Variants in CFAP77 observed in about 807,000 individuals in gnomAD.
CFAP77 encodes cilia- and flagella-associated protein 77.
A neutral mutation model predicts 31.1 loss-of-function variants in CFAP77; 25 were observed. That is an observed-to-expected ratio of 0.80 (90% CI 0.59 to 1.12). The LOEUF is 1.12. Ranked by LOEUF, CFAP77 falls within the 50% of genes most tolerant of loss-of-function variation. The probability of loss-of-function intolerance (pLI) is 0.00; values close to 1 mark genes in which losing one functional copy is unlikely to be tolerated. For missense variants in CFAP77, 377 were observed against 397.3 expected (o/e 0.95, Z 0.44); for synonymous variants, 151 against 159.9 (o/e 0.94, Z 0.42).
At chr9:132,507,582 T>C (rs1191933760) in intron 3 of CFAP77, among the ~76,000 whole-genome samples, 1 of 152,080 alleles carries the variant, frequency 6.6e-6, no homozygotes, top group Non-Finnish European at 1.5e-5. Flanking sequence ...GCCTGACAGG[T>C]TTTTTTGAAT....
At chr9:132,416,054 C>G (rs1349627327) in intron 1 of CFAP77, among the ~76,000 whole-genome samples, 2 of 152,078 alleles carry the variant, frequency 1.3e-5, no homozygotes, top group East Asian at 3.8e-4. Context: ...TAAAATGTGT[C>G]ACAGACAATG....
chr9:132,534,610 C>CAAAAAAAA (rs201151199), intron 3 of CFAP77, among the ~76,000 whole-genome samples: 1 of 64,116 alleles, frequency 1.6e-5, no homozygotes, highest in Non-Finnish European at 3.4e-5. Flanking sequence ...GACTCTGTCT[C>CAAAAAAAA]AAAAAAAAAA....
chr9:132,566,274 C>T (rs17149298), intron 5 of CFAP77, among the ~76,000 whole-genome samples: 17,180 of 152,194 alleles, frequency 0.11, 1,176 homozygotes, highest in African/African-American at 0.19. Context: ...GAGCTCGTGA[C>T]GAAGGGCTTG....
At chr9:132,416,329 ATTTTT>A (rs71503303) in intron 1 of CFAP77, among the ~76,000 whole-genome samples, 1,908 of 60,350 alleles carry the variant, frequency 0.032, 55 homozygotes, top group African/African-American at 0.1. Context: ...TTCTTATCTG[ATTTTT>A]TTTTTTTTTT....
At chr9:132,457,630 G>A (rs1850944026) in intron 1 of CFAP77, among the ~76,000 whole-genome samples, 2 of 152,218 alleles carry the variant, frequency 1.3e-5, no homozygotes, top group Admixed American at 1.3e-4. Context: ...GCTGGAATCT[G>A]GCGACAGGTT....
chr9:132,467,901 C>T lies in CFAP77; in HGVS notation c.196-30794C>T, dbSNP rs761977438. On this transcript the variant is annotated intron_variant, in intron 1 of 5. Transcript: ENST00000393216. ...TTTTTTTCTTTTTTTTAGTAGTCAC[C>T]ATCTTAACAGGTGTGAGATGGGGGG... is the stretch of plus-strand genomic sequence containing the variant. 7.3e-4 allele frequency among the ~76,000 whole-genome samples: 111 copies of T among 151,836 alleles called. 3 individuals carry two copies. Among genetic ancestry groups the T allele is most frequent in the Non-Finnish European group, 2.2e-4 (15 of 68,018 alleles).
chr9:132,546,246 C>T (rs1852726082), intron 5 of CFAP77, among the ~76,000 whole-genome samples: 1 of 152,226 alleles, frequency 6.6e-6, no homozygotes, highest in Non-Finnish European at 1.5e-5. Context: ...ACCAACTGGG[C>T]CTGGACTCAG....
At chr9:132,429,759 G>A (rs1850380214) in intron 1 of CFAP77, among the ~76,000 whole-genome samples, 1 of 152,038 alleles carries the variant, frequency 6.6e-6, no homozygotes, top group Non-Finnish European at 1.5e-5. Context: ...AGGAGGCTGA[G>A]GCAGGAGAAT....
rs1158796525 is a variant in CFAP77 at position 132,459,072 on chromosome 9, AT to A, written c.196-39606del. Among the ~76,000 whole-genome samples, 874 of 104,332 alleles carry A rather than the reference AT, an allele frequency of 8.4e-3. 3 individuals carry two copies. Among genetic ancestry groups the A allele is most frequent in the South Asian group, 0.011 (34 of 3,056 alleles). 68.4% of individuals were successfully genotyped at this position (104,332 alleles called of 152,430 possible). The stretch of plus-strand genomic sequence containing the variant: ...CAGCCCAGTCTACAGCCCTGAAACT[AT>A]TTTTTTTTTTTTTTTTGAGACAGAG... On this transcript the variant is annotated intron_variant, in intron 1 of 5. Transcript: ENST00000393216.
chr9:132,439,013 TTA>T (rs1260108884), intron 1 of CFAP77, among the ~76,000 whole-genome samples: 4 of 151,826 alleles, frequency 2.6e-5, no homozygotes, highest in African/African-American at 9.7e-5. Flanking sequence ...GTAGCTGGGA[TTA>T]CAGGTGCACA....
At chr9:132,512,352 T>C (rs112489511) in intron 3 of CFAP77, among the ~76,000 whole-genome samples, 3 of 152,200 alleles carry the variant, frequency 2.0e-5, no homozygotes, top group African/African-American at 7.2e-5. Context: ...CTCAAGATCT[T>C]TAATGTAATT....
intron 3 of CFAP77, among the ~76,000 whole-genome samples, chr9:132,521,288 C>T (rs1852260694): frequency 6.6e-6 from 1 of 152,204 alleles, no homozygotes; most frequent in South Asian, 2.1e-4. Context: ...CACCCCACCC[C>T]CATCACTAGG....
At chr9:132,519,034 G>A (rs1007047929) in intron 3 of CFAP77, among the ~76,000 whole-genome samples, 15 of 152,142 alleles carry the variant, frequency 9.9e-5, no homozygotes, top group African/African-American at 3.6e-4. Context: ...GGATTGAGGA[G>A]GCAGGCAGGG....
chr9:132,531,642 A>AAGGCATTT (rs1852455922), intron 3 of CFAP77, among the ~76,000 whole-genome samples: 1 of 148,394 alleles, frequency 6.7e-6, no homozygotes, highest in Non-Finnish European at 1.5e-5. Flanking sequence ...GGGGGCATGG[A>AAGGCATTT]AGGCATTTTA....
At chr9:132,466,949 G>A (rs778789660) in intron 1 of CFAP77, among the ~76,000 whole-genome samples, 4 of 152,256 alleles carry the variant, frequency 2.6e-5, no homozygotes, top group Non-Finnish European at 4.4e-5. Flanking sequence ...AGGCCGAGGC[G>A]GGTGGATCAC....
chr9:132,519,544 GTAGA>G (rs1852219913), intron 3 of CFAP77, among the ~76,000 whole-genome samples: 1 of 52,392 alleles, frequency 1.9e-5, no homozygotes, highest in Admixed American at 2.1e-4. Context: ...GGATGGGTGG[GTAGA>G]TGGATGAATG....
chr9:132,487,305 G>A (rs1343123266), intron 1 of CFAP77, among the ~76,000 whole-genome samples: 1 of 152,146 alleles, frequency 6.6e-6, no homozygotes, highest in African/African-American at 2.4e-5. Context: ...AGCTCTGAGT[G>A]AATTAGTATG....
chr9:132,487,585 A>ATT (rs35745635), intron 1 of CFAP77, among the ~76,000 whole-genome samples: 24 of 145,116 alleles, frequency 1.7e-4, no homozygotes, highest in African/African-American at 3.5e-4. Flanking sequence ...TTTTCAATGC[A>ATT]TTTTTTTTTT....
chr9:132,548,939 C>T (rs375811038), intron 5 of CFAP77, among the ~76,000 whole-genome samples: 2 of 152,268 alleles, frequency 1.3e-5, no homozygotes, highest in East Asian at 3.9e-4. Context: ...CTCCTCTGTT[C>T]GTGGAAGACT....
Sources: gnomAD v4.1 joint callset for allele counts (sites outside exome capture counted in the v4.1 genomes callset) on GRCh38, gnomAD v4.1.1 for gene constraint, MANE v1.5 for transcripts, NCBI Gene and HGNC (gene_info 2026-07-23, HGNC 2026-07-21) for gene names.